The following TOM1L1 variants were observed in gnomAD, a reference collection of about 807,000 sequenced individuals.
TOM1L1 encodes the protein TOM1-like protein 1.
A neutral mutation model predicts 63.4 loss-of-function variants in TOM1L1; 64 were observed. That is an observed-to-expected ratio of 1.01 (90% CI 0.83 to 1.24). The LOEUF (loss-of-function observed/expected upper bound fraction) is 1.24, where lower values mean the gene tolerates loss of function less well. Among genes scored for constraint, TOM1L1 ranks in the 50% most tolerant of loss-of-function variants. The pLI is 0.00. For synonymous variants in TOM1L1, 166 were observed against 194.4 expected, an observed-to-expected ratio of 0.85 and a Z score of 1.22; for missense variants, 536 against 567.0, an observed-to-expected ratio of 0.95 and a Z score of 0.55.
chr17:54,942,903 G>A (rs901044511), intron 11 of TOM1L1, among the ~76,000 whole-genome samples: 1 of 152,132 alleles, frequency 6.6e-6, no homozygotes, highest in Non-Finnish European at 1.5e-5. Flanking sequence ...GTTTGTCTTT[G>A]AGAATGTCAT....
rs1046387052 is a variant in TOM1L1 at position 54,916,139 on chromosome 17, T to C, written c.720+277T>C. On this transcript the variant is annotated intron_variant, in intron 7 of 15. Coordinates refer to ENST00000575882, the MANE Select transcript of TOM1L1 (RefSeq NM_005486.3). ...CAATTCTCTAGTTGTTTTAAGTATG[T>C]AAAAATTGCCTCTATTTTCATCCAC... 9.7e-6 allele frequency: 4 copies of C among 411,146 alleles called. No homozygotes were observed. In the Admixed American group the frequency reaches 1.7e-4, roughly 18 times the overall value. 25.5% of individuals were successfully genotyped at this position (411,146 alleles called of 1,614,324 possible).
intron 14 of TOM1L1, chr17:54,954,589 CAAG>C (rs2049397924): frequency 1.3e-5 from 2 of 152,174 alleles, no homozygotes; most frequent in African/African-American, 4.8e-5. Flanking sequence ...GTACCATTTC[CAAG>C]AAGGTGGACT....
chr17:54,952,392 C>G (rs1260885706), intron 14 of TOM1L1: 2 of 151,776 alleles, frequency 1.3e-5, no homozygotes, highest in African/African-American at 4.8e-5. Flanking sequence ...ACTAAAAATA[C>G]AAAAATTAGG....
chr17:54,922,340 C>T (rs2143819208), intron 7 of TOM1L1, among the ~76,000 whole-genome samples: 1 of 152,142 alleles, frequency 6.6e-6, no homozygotes, highest in Non-Finnish European at 1.5e-5. Flanking sequence ...GGCACAGTGG[C>T]TTACACCTGT....
At chr17:54,954,594 A>C (rs1033635551) in intron 14 of TOM1L1, 34 of 152,214 alleles carry the variant, frequency 2.2e-4, no homozygotes, top group African/African-American at 8.0e-4. Flanking sequence ...ATTTCCAAGA[A>C]GGTGGACTAT....
chr17:54,920,837 T>C (rs1300643041), intron 7 of TOM1L1, among the ~76,000 whole-genome samples: 1 of 152,068 alleles, frequency 6.6e-6, no homozygotes, highest in Admixed American at 6.5e-5. Context: ...CAGCACTCAT[T>C]AGGATTTTTT....
chr17:54,929,127 A>G (rs1021891030), intron 7 of TOM1L1, among the ~76,000 whole-genome samples: 2 of 152,182 alleles, frequency 1.3e-5, no homozygotes, highest in African/African-American at 4.8e-5. Context: ...CTTGATGTTA[A>G]TGTACTATTA....
At chr17:54,921,279 T>C (rs2048679105) in intron 7 of TOM1L1, among the ~76,000 whole-genome samples, 1 of 152,182 alleles carries the variant, frequency 6.6e-6, no homozygotes, top group Non-Finnish European at 1.5e-5. Context: ...ATATCTAGCA[T>C]TTTTAGGTAT....
chr17:54,901,065 AC>A (rs2048318747), intron 1 of TOM1L1, 142 bp downstream of exon 1: 2 of 1,119,108 alleles, frequency 1.8e-6, no homozygotes, highest in South Asian at 1.4e-5. Context: ...TTCCCAAGGC[AC>A]CCGCATTCCA....
intron 7 of TOM1L1, chr17:54,916,149 C>G (rs1027098168): frequency 3.4e-5 from 14 of 414,776 alleles, no homozygotes; most frequent in Non-Finnish European, 5.9e-5. Flanking sequence ...TAAAAATTGC[C>G]TCTATTTTCA....
At position 54,900,895 on chromosome 17, in the gene TOM1L1, C is replaced by CT; in HGVS notation, c.31dup (p.Tyr11LeufsTer20). Reference sequence around the variant, plus strand: ...CGTTTGGCAAGAGTCACCGGGATCCCTACGCGACCTCCGTGGGCCACCTCA... The same window carrying CT: ...CGTTTGGCAAGAGTCACCGGGATCCCTTACGCGACCTCCGTGGGCCACCTCA... On this transcript the variant is annotated frameshift_variant, in exon 1 of 16. Transcript: ENST00000575882. LOFTEE classifies it high-confidence loss of function. 2 of 1,613,844 alleles carry CT rather than the reference C, an allele frequency of 1.2e-6. No homozygotes were observed. Among genetic ancestry groups the CT allele is most frequent in the Non-Finnish European group, 1.7e-6 (2 of 1,180,024 alleles).
chr17:54,928,812 CT>C (rs1381056002), intron 7 of TOM1L1, among the ~76,000 whole-genome samples: 1 of 151,256 alleles, frequency 6.6e-6, no homozygotes, highest in South Asian at 2.1e-4. Flanking sequence ...TCTGACTCAC[CT>C]TTTTTTTTCT....
At chr17:54,947,382 G>A in intron 12 of TOM1L1, 70 bp downstream of exon 12, 1 of 1,501,878 alleles carries the variant, frequency 6.7e-7, no homozygotes, top group African/African-American at 1.4e-5. Context: ...AAGAACTCAT[G>A]GTCATTAATT....
At chr17:54,944,386 G>A (rs1442969634) in intron 11 of TOM1L1, among the ~76,000 whole-genome samples, 1 of 151,308 alleles carries the variant, frequency 6.6e-6, no homozygotes, top group Non-Finnish European at 1.5e-5. Flanking sequence ...GGAGGCGGAG[G>A]TTGCAGTGAG....
Position 54,961,250 on chromosome 17 carries a change from C to CAGCT in TOM1L1, c.*18_*21dup, listed in dbSNP as rs1392340793. 1 of 1,547,330 alleles carries CAGCT rather than the reference C, an allele frequency of 6.5e-7. No individual in the cohort carries two copies. Among genetic ancestry groups the CAGCT allele is most frequent in the South Asian group, 1.2e-5 (1 of 83,978 alleles). On this transcript the variant is annotated 3_prime_UTR_variant, in exon 16 of 16. Transcript: ENST00000575882. ...TTTATTTTAGAAGAAAGTGGATGATCAGCTCACTACCACATCAAAGGTGCC... is the reference window on the plus strand; with the variant it reads ...TTTATTTTAGAAGAAAGTGGATGATCAGCTAGCTCACTACCACATCAAAGGTGCC...
chr17:54,912,139 G>A (rs1050972541), intron 3 of TOM1L1, among the ~76,000 whole-genome samples: 2 of 152,208 alleles, frequency 1.3e-5, no homozygotes, highest in African/African-American at 2.4e-5. Flanking sequence ...TAGCCATTTT[G>A]CAAAGCCCAG....
intron 3 of TOM1L1, among the ~76,000 whole-genome samples, chr17:54,910,693 C>T (rs2048484014): frequency 6.6e-6 from 1 of 152,234 alleles, no homozygotes; most frequent in African/African-American, 2.4e-5. Context: ...AACTTTGTCT[C>T]ACCAAACTGT....
intron 7 of TOM1L1, among the ~76,000 whole-genome samples, chr17:54,921,446 A>G (rs2048682218): frequency 6.6e-6 from 1 of 152,196 alleles, no homozygotes; most frequent in Admixed American, 6.5e-5. Context: ...AGTGGCATTT[A>G]TATACATTCA....
intron 14 of TOM1L1, among the ~76,000 whole-genome samples, chr17:54,956,141 C>T (rs1353701017): frequency 2.6e-5 from 4 of 152,160 alleles, no homozygotes; most frequent in Non-Finnish European, 4.4e-5. Context: ...TCCATGAGAA[C>T]ACAGGTTATT....
Sources: allele counts gnomAD v4.1 joint callset (sites outside exome capture counted in the v4.1 genomes callset), GRCh38; gene constraint gnomAD v4.1.1; transcripts MANE v1.5; gene names NCBI Gene and HGNC (gene_info 2026-07-23, HGNC 2026-07-21).